Variants in WNT6 observed in about 807,000 individuals in gnomAD.
WNT6 encodes protein Wnt-6.
A neutral mutation model predicts 33.1 loss-of-function variants in WNT6; 27 were observed. The ratio of observed to expected loss-of-function variants is 0.82; its 90% CI spans 0.60 to 1.12. The LOEUF (loss-of-function observed/expected upper bound fraction) is 1.12, where lower values mean the gene tolerates loss of function less well. Ranked by LOEUF, WNT6 falls within the 50% of genes most tolerant of loss-of-function variation. WNT6 has a pLI of 0.00. For missense variants in WNT6, 494 were observed against 535.3 expected, an observed-to-expected ratio of 0.92 and a Z score of 0.76; for synonymous variants, 249 against 242.8, an observed-to-expected ratio of 1.03 and a Z score of -0.24.
In WNT6 at chr2:218,874,030, G is replaced by C; in HGVS notation, c.*185G>C. On this transcript the variant is annotated 3_prime_UTR_variant, in exon 4 of 4. Transcript: ENST00000233948. ...AGGAACGCCCACCCACGAAGGCCCA[G>C]GGCGCCAGACGGCCCCGAAAAGGCG... is the stretch of plus-strand genomic sequence containing the variant. 1 of 708,858 alleles carries C rather than the reference G, an allele frequency of 1.4e-6. No individual in the cohort carries two copies. The highest frequency in any genetic ancestry group is 2.1e-6 in the Non-Finnish European group (1 of 468,006). The allele number at this position is 708,858 out of a possible 1,614,324, so 43.9% of individuals were successfully genotyped here.
chr2:218,868,564 C>T (rs532591019), intron 1 of WNT6, among the ~76,000 whole-genome samples: 1 of 152,260 alleles, frequency 6.6e-6, no homozygotes, highest in East Asian at 1.9e-4. Context: ...TGGACGACTG[C>T]AGAGAGGACT....
intron 1 of WNT6, among the ~76,000 whole-genome samples, chr2:218,864,219 CCTT>C (rs1300713917): frequency 1.3e-5 from 2 of 152,126 alleles, no homozygotes; most frequent in Non-Finnish European, 1.5e-5. Flanking sequence ...AAATCAATCT[CCTT>C]CTTCTCTCTT....
chr2:218,864,536 G>C (rs544577047), intron 1 of WNT6, among the ~76,000 whole-genome samples: 2 of 152,144 alleles, frequency 1.3e-5, no homozygotes, highest in Admixed American at 6.5e-5. Context: ...CAAAGTGCTG[G>C]GATAACAGGC....
chr2:218,871,890 G>GTGTT lies in WNT6; in HGVS notation c.636+72_636+75dup, dbSNP rs997643733. On this transcript the variant is annotated intron_variant, in intron 3 of 3. Coordinates refer to ENST00000233948, the MANE Select transcript of WNT6 (RefSeq NM_006522.4). This position sits in a 1 kb window ranked among gnomAD's most constrained non-coding sequence, Gnocchi z 6.4. ...TGCGCGCAGGAGTGTGCTTGAGGAA[G>GTGTT]TGTTGGCAGGAGTGAGGGTGTGTAG... The GTGTT allele has an allele frequency of 4.6e-6, 6 of 1,299,002 alleles. No individual in the cohort carries two copies. The highest frequency in any genetic ancestry group is 1.5e-5 in the African/African-American group (1 of 64,536). 80.5% of individuals were successfully genotyped at this position (1,299,002 alleles called of 1,614,324 possible). A position where few individuals can be genotyped will look rare whatever the true frequency, so the allele number is the denominator to read the frequency against.
chr2:218,872,493 C>T (rs1944411525), intron 3 of WNT6, among the ~76,000 whole-genome samples: 1 of 152,152 alleles, frequency 6.6e-6, no homozygotes, highest in Admixed American at 6.5e-5. Context: ...CTCCTCTCCC[C>T]TCTGTAACGA....
Position 218,859,900 on chromosome 2 carries a change from C to CT in WNT6, c.-138_-137insT, listed in dbSNP as rs1944290020. 1.8e-6 allele frequency: 1 copy of CT among 558,762 alleles called. No homozygotes were observed. Among genetic ancestry groups the CT allele is most frequent in the Non-Finnish European group, 2.4e-6 (1 of 418,524 alleles). The allele number at this position is 558,762 out of a possible 1,614,324, so 34.6% of individuals were successfully genotyped here. On this transcript the variant is annotated 5_prime_UTR_variant, in exon 1 of 4. The change abolishes the stop of an existing upstream ORF in the 5' untranslated region. Coordinates refer to ENST00000233948, the MANE Select transcript of WNT6 (RefSeq NM_006522.4). ...CCTCCTCGCCCGGGATGGGCCCCCC[C>CT]GCCGCCGCCGGATCCCTCGCCTCCC...
Position 218,871,237 on chromosome 2 carries a change from C to T in WNT6, c.291C>T (p.Ile97=). The change falls in exon 2 of 4, where the codon ATC becomes ATT. Residue 97 remains isoleucine (I), a synonymous_variant. Coordinates refer to ENST00000233948, the MANE Select transcript of WNT6 (RefSeq NM_006522.4). The surrounding 1 kb of genome is among the most constrained non-coding windows in gnomAD (Gnocchi z 6.4). ...CSSHSKAFGR[I]LQQDIRETAF... ...GCCACAGCAAGGCCTTTGGACGCAT[C>T]CTGCAACAGGGTCAGTGTGGGGAGG... 2 of 1,610,258 alleles carry T rather than the reference C, an allele frequency of 1.2e-6. No homozygotes were observed. The highest frequency in any genetic ancestry group is 1.7e-6 in the Non-Finnish European group (2 of 1,177,592).
rs977446752 is a variant in WNT6, at chr2:218,860,137, C to T, written c.80+20C>T. 6.6e-7 allele frequency: 1 copy of T among 1,512,624 alleles called. No homozygotes were observed. Among genetic ancestry groups the T allele is most frequent in the African/African-American group, 1.4e-5 (1 of 71,180 alleles). The allele number at this position is 1,512,624 out of a possible 1,614,324, so 93.7% of individuals were successfully genotyped here. On this transcript the variant is annotated intron_variant, in intron 1 of 3. Transcript: ENST00000233948. ...GTGGTGGTGAGTCCGGCTGTCCTGG[C>T]GCGGCTCTGGACCCTGGAGGGTGGG...
chr2:218,871,611 C>CCCGGCCCT lies in WNT6; in HGVS notation c.435_442dup (p.Leu148ProfsTer205), dbSNP rs1210663485. 6.7e-7 allele frequency: 1 copy of CCCGGCCCT among 1,488,094 alleles called. No individual in the cohort carries two copies. Among genetic ancestry groups the CCCGGCCCT allele is most frequent in the African/African-American group, 1.5e-5 (1 of 68,848 alleles). 92.2% of individuals were successfully genotyped at this position (1,488,094 alleles called of 1,614,324 possible). On this transcript the variant is annotated frameshift_variant, in exon 3 of 4. Coordinates refer to ENST00000233948, the MANE Select transcript of WNT6 (RefSeq NM_006522.4). LOFTEE classifies it high-confidence loss of function. The surrounding 1 kb of genome is among the most constrained non-coding windows in gnomAD (Gnocchi z 6.4). ...CAGGCGCCCCGCGGGCGGGCCCCTC[C>CCCGGCCCT]CCGGCCCTCCGGCCTGCCCGGCACC...
Position 218,871,401 on chromosome 2 carries a change from G to A in WNT6, c.302-84G>A, listed in dbSNP as rs551445985. The A allele has an allele frequency of 1.1e-4, 160 of 1,518,458 alleles. 1 individual carries two copies. In the East Asian group the frequency reaches 3.7e-3, roughly 35 times the overall value. The allele number at this position is 1,518,458 out of a possible 1,614,324, so 94.1% of individuals were successfully genotyped here. On this transcript the variant is annotated intron_variant, in intron 2 of 3. Transcript: ENST00000233948. The surrounding 1 kb of genome is among the most constrained non-coding windows in gnomAD (Gnocchi z 6.4). ...GGACCCTGCCTCCCAGGCCCCTGGG[G>A]CAGCCCTCCCGCCGCAGGTTTCAGG...
Position 218,874,034 on chromosome 2 carries a change from G to A in WNT6, c.*189G>A, listed in dbSNP as rs1944432250. 1.5e-5 allele frequency: 10 copies of A among 669,528 alleles called. No homozygotes were observed. The South Asian group carries it at 2.0e-4, about 14-fold the overall frequency. 41.5% of individuals were successfully genotyped at this position (669,528 alleles called of 1,614,324 possible). A position where few individuals can be genotyped will look rare whatever the true frequency, so the allele number is the denominator to read the frequency against. On this transcript the variant is annotated 3_prime_UTR_variant, in exon 4 of 4. Coordinates refer to ENST00000233948, the MANE Select transcript of WNT6 (RefSeq NM_006522.4). ...ACGCCCACCCACGAAGGCCCAGGGC[G>A]CCAGACGGCCCCGAAAAGGCGCTCG...
chr2:218,873,383 GGCCGTGCGGAGCC>G lies in WNT6; in HGVS notation c.637_649del (p.Ala213ThrfsTer133). 6.5e-7 allele frequency: 1 copy of G among 1,533,964 alleles called. No individual in the cohort carries two copies. Among genetic ancestry groups the G allele is most frequent in the Non-Finnish European group, 8.7e-7 (1 of 1,145,396 alleles). On this transcript the variant is annotated frameshift_variant and splice_region_variant, in exon 4 of 4. Coordinates refer to ENST00000233948, the MANE Select transcript of WNT6 (RefSeq NM_006522.4). LOFTEE classifies it high-confidence loss of function. This position sits in a 1 kb window ranked among gnomAD's most constrained non-coding sequence, Gnocchi z 6.1. The stretch of plus-strand genomic sequence containing the variant: ...TGCGTCCGCCCCTCTGCCTCCCGCA[GGCCGTGCGGAGCC>G]ACACGCGCACCGAGTGCAAATGCCA...
intron 3 of WNT6, among the ~76,000 whole-genome samples, 187 bp downstream of exon 3, chr2:218,872,006 G>C (rs961931804): frequency 2.0e-5 from 3 of 151,974 alleles, no homozygotes; most frequent in Non-Finnish European, 4.4e-5. Flanking sequence ...GAGGTGTCCA[G>C]CCTCCAAGAA....
At chr2:218,867,000 G>A (rs935738107) in intron 1 of WNT6, among the ~76,000 whole-genome samples, 3 of 152,182 alleles carry the variant, frequency 2.0e-5, no homozygotes, top group African/African-American at 7.2e-5. Context: ...GCTCCTTAGG[G>A]CAAGTGGGAT....
rs1446593576 is a variant in WNT6, at chr2:218,873,820, G to T, written c.1073G>T (p.Arg358Leu). The change falls in exon 4 of 4, where the codon CGC becomes CTC. Residue 358 changes from arginine to leucine, a missense_variant. Transcript: ENST00000233948. This position sits in a 1 kb window ranked among gnomAD's most constrained non-coding sequence, Gnocchi z 6.1. Reference sequence around the variant, plus strand: ...GTACAGTGCCACCGCTGCCGTGTGCGCAAGGAGCTCAGCCTCTGCCTGTGA... The same window carrying T: ...GTACAGTGCCACCGCTGCCGTGTGCTCAAGGAGCTCAGCCTCTGCCTGTGA... ...CVVQCHRCRV[R>L]KELSLCL 3 of 1,535,046 alleles carry T rather than the reference G, an allele frequency of 2.0e-6. No homozygotes were observed. The highest frequency in any genetic ancestry group is 2.4e-5 in the South Asian group (2 of 82,316).
chr2:218,873,572 G>T lies in WNT6; in HGVS notation c.825G>T (p.Thr275=). 1.3e-6 allele frequency: 2 copies of T among 1,539,830 alleles called. No individual in the cohort carries two copies. Among genetic ancestry groups the T allele is most frequent in the Non-Finnish European group, 1.7e-6 (2 of 1,146,936 alleles). The change falls in exon 4 of 4, where the codon ACG becomes ACT. Residue 275 remains threonine (T), a synonymous_variant. Coordinates refer to ENST00000233948, the MANE Select transcript of WNT6 (RefSeq NM_006522.4). This position sits in a 1 kb window ranked among gnomAD's most constrained non-coding sequence, Gnocchi z 6.1. ...AGGCCCTGCTGCCCGCCGTCCGCAC[G>T]CTCAAGCCGCCGGGCCGAGCGGACC... The part of the protein sequence containing the change: ...DGKALLPAVR[T]LKPPGRADLL...
intron 1 of WNT6, among the ~76,000 whole-genome samples, chr2:218,864,131 C>CT (rs1944333423): frequency 6.6e-6 from 1 of 152,204 alleles, no homozygotes; most frequent in African/African-American, 2.4e-5. Context: ...CCAGGAAGTT[C>CT]TTTACAACAT....
At position 218,873,105 on chromosome 2, in the gene WNT6, A is replaced by T. The variant is rs1425870831; in HGVS notation, c.637-279A>T. Among the ~76,000 whole-genome samples, 2 of 145,380 alleles carry T rather than the reference A, an allele frequency of 1.4e-5. No homozygotes were observed. The highest frequency in any genetic ancestry group is 4.1e-4 in the East Asian group (2 of 4,930). On this transcript the variant is annotated intron_variant, in intron 3 of 3. Coordinates refer to ENST00000233948, the MANE Select transcript of WNT6 (RefSeq NM_006522.4). The surrounding 1 kb of genome is among the most constrained non-coding windows in gnomAD (Gnocchi z 6.1). ...TGCTGTCCATTCTGCTTTCTCCCCCACCCCCTGCCTTTGGACCCTGGAATC... is the reference window on the plus strand; with the variant it reads ...TGCTGTCCATTCTGCTTTCTCCCCCTCCCCCTGCCTTTGGACCCTGGAATC...
intron 1 of WNT6, among the ~76,000 whole-genome samples, chr2:218,861,205 A>G (rs1944307628): frequency 6.6e-6 from 1 of 152,100 alleles, no homozygotes; most frequent in Non-Finnish European, 1.5e-5. Flanking sequence ...CCACACAGGG[A>G]GTGGCGGGCA....
Sources: allele counts gnomAD v4.1 joint callset (sites outside exome capture counted in the v4.1 genomes callset), GRCh38; gene constraint gnomAD v4.1.1; non-coding constraint Gnocchi (gnomAD v3.1); transcripts MANE v1.5; gene names NCBI Gene and HGNC (gene_info 2026-07-23, HGNC 2026-07-21).